SEC63: variants seen among roughly 807,000 people sequenced by gnomAD.
The protein encoded by SEC63 is translocation protein SEC63 homolog.
Under a neutral mutation model 116.2 loss-of-function variants are expected in SEC63, and 56 were observed. The observed-to-expected ratio is 0.48, with a 90% confidence interval of 0.39 to 0.60. The LOEUF (loss-of-function observed/expected upper bound fraction) is 0.60. SEC63 is among the 20% of genes least tolerant of loss of function. SEC63 has a pLI of 0.00. For missense variants in SEC63, 668 were observed against 900.0 expected, an observed-to-expected ratio of 0.74 and a Z score of 3.30; for synonymous variants, 273 against 294.6, an observed-to-expected ratio of 0.93 and a Z score of 0.75.
intron 4 of SEC63, among the ~76,000 whole-genome samples, chr6:107,915,982 C>G (rs951189125): frequency 1.3e-5 from 2 of 152,112 alleles, no homozygotes; most frequent in Non-Finnish European, 2.9e-5. Flanking sequence ...AACCACATAA[C>G]TGAGTTAAAA....
At chr6:107,938,247 ATTT>A (rs4028676) in intron 1 of SEC63, among the ~76,000 whole-genome samples, 1 of 133,976 alleles carries the variant, frequency 7.5e-6, no homozygotes, top group Admixed American at 8.0e-5. Context: ...TGGTGAGTTA[ATTT>A]TTTTTTTTTT....
At chr6:107,888,136 A>C (rs1290938430) in intron 16 of SEC63, among the ~76,000 whole-genome samples, 5 of 152,218 alleles carry the variant, frequency 3.3e-5, no homozygotes, top group African/African-American at 4.8e-5. Context: ...GAAGAAAGTC[A>C]ATGGTAGCTT....
rs1770749250 is a variant in SEC63 at position 107,958,034 on chromosome 6, T to G, written c.-25A>C. The G allele has an allele frequency of 6.2e-7, 1 of 1,612,212 alleles. No individual in the cohort carries two copies. The highest frequency in any genetic ancestry group is 8.5e-7 in the Non-Finnish European group (1 of 1,179,048). ...TGGCACCCCCTCCTCCGCCTCGCTC[T>G]TCTCACCGCCGCCGCCACGACCACG... On this transcript the variant is annotated 5_prime_UTR_variant, in exon 1 of 21. Coordinates refer to ENST00000369002, the MANE Select transcript of SEC63 (RefSeq NM_007214.5).
chr6:107,891,642 TG>T (rs772068378), intron 16 of SEC63, among the ~76,000 whole-genome samples: 2 of 152,278 alleles, frequency 1.3e-5, no homozygotes, highest in South Asian at 4.1e-4. Context: ...AGAGGCATTC[TG>T]GTTTTTGGAA....
chr6:107,912,639 T>C (rs964683093), intron 6 of SEC63, 77 bp downstream of exon 6: 3 of 823,934 alleles, frequency 3.6e-6, no homozygotes, highest in African/African-American at 3.4e-5. Context: ...TAGTTCTTCT[T>C]GTATTACCAA....
chr6:107,958,174 G>A lies in SEC63; in HGVS notation c.-165C>T, dbSNP rs1392594621. The A allele has an allele frequency of 1.9e-6, 2 of 1,029,736 alleles. No homozygotes were observed. The highest frequency in any genetic ancestry group is 1.6e-5 in the African/African-American group (1 of 62,894). The allele number at this position is 1,029,736 out of a possible 1,614,324, so 63.8% of individuals were successfully genotyped here. ...TCACGGACACGCCGCCGCCACCTCT[G>A]CCGCTGCCGCCGCCGTCGCCAGCTC... On this transcript the variant is annotated 5_prime_UTR_variant, in exon 1 of 21. Transcript: ENST00000369002.
intron 16 of SEC63, among the ~76,000 whole-genome samples, chr6:107,886,708 G>A (rs138926994): frequency 9.0e-6 from 1 of 111,446 alleles, no homozygotes; most frequent in East Asian, 2.4e-4. Flanking sequence ...GGAATTGTTT[G>A]TTTTTTTCCT....
In SEC63 at chr6:107,902,891, G is replaced by A. The variant is rs1397096640; in HGVS notation, c.1162C>T (p.Pro388Ser). 6.2e-7 allele frequency: 1 copy of A among 1,613,776 alleles called. No individual in the cohort carries two copies. The highest frequency in any genetic ancestry group is 1.3e-5 in the African/African-American group (1 of 74,890). Reference protein sequence around the residue: ...QQFKSPLLQLPHIEEDNLRRV... With the variant: ...QQFKSPLLQLSHIEEDNLRRV... ...CTAAGATTGTCCTCTTCAATATGAG[G>A]GAGCTGCAGAAGGGGAGACTTAAAT... Residue 388 changes from proline (P) to serine (S), a missense_variant, in exon 12 of 21, where the codon CCT (proline) becomes TCT (serine). Pro to Ser is a moderately conservative substitution (Grantham distance 74). This residue lies in a region of SEC63 where 430 missense variants were observed against 557.5 expected (regional missense o/e 0.77). Transcript: ENST00000369002.
chr6:107,921,521 G>A (rs535377600), intron 4 of SEC63, among the ~76,000 whole-genome samples: 16 of 151,342 alleles, frequency 1.1e-4, no homozygotes, highest in African/African-American at 2.2e-4. Context: ...GCATGGTCAC[G>A]GCTCACTGCA....
At chr6:107,903,536 C>T (rs1415162899) in intron 11 of SEC63, among the ~76,000 whole-genome samples, 2 of 152,000 alleles carry the variant, frequency 1.3e-5, no homozygotes, top group African/African-American at 4.8e-5. Flanking sequence ...TGAGATCCCA[C>T]CTCTACACAA....
intron 16 of SEC63, 158 bp from the exon 17 acceptor site, chr6:107,883,304 A>G: frequency 1.2e-6 from 1 of 802,294 alleles, no homozygotes; most frequent in Non-Finnish European, 1.9e-6. Context: ...ATTCCTACTT[A>G]TAAAGATGTG....
rs1297648190 is a variant in SEC63 at position 107,871,126 on chromosome 6, C to T, written c.*578G>A. 1.9e-5 allele frequency: 3 copies of T among 154,516 alleles called. No homozygotes were observed. Among genetic ancestry groups the T allele is most frequent in the Non-Finnish European group, 4.3e-5 (3 of 69,326 alleles). The allele number at this position is 154,516 out of a possible 1,614,324, so 9.6% of individuals were successfully genotyped here. On this transcript the variant is annotated 3_prime_UTR_variant, in exon 21 of 21. Coordinates refer to ENST00000369002, the MANE Select transcript of SEC63 (RefSeq NM_007214.5). ...AATTAAGAAAAGGAAAATTCCAAAACGTAGCCCTCTATATCATGTGGAATG... is the reference window on the plus strand; with the variant it reads ...AATTAAGAAAAGGAAAATTCCAAAATGTAGCCCTCTATATCATGTGGAATG...
chr6:107,907,972 G>A (rs553958791), intron 8 of SEC63, among the ~76,000 whole-genome samples: 2 of 152,262 alleles, frequency 1.3e-5, no homozygotes, highest in East Asian at 3.9e-4. Flanking sequence ...TTTTCATAAG[G>A]GAGTAAGTTT....
At chr6:107,911,079 C>T (rs1787273278) in intron 7 of SEC63, 1 of 438,634 alleles carries the variant, frequency 2.3e-6, no homozygotes, top group African/African-American at 2.0e-5. Context: ...TTTAGAAGAC[C>T]ATTAAAAGTA....
intron 2 of SEC63, among the ~76,000 whole-genome samples, chr6:107,925,546 A>G (rs2744217): frequency 0.036 from 5,416 of 152,320 alleles, 314 homozygotes; most frequent in African/African-American, 0.12. Flanking sequence ...ATAAAAGAAC[A>G]TATCATTTGA....
intron 11 of SEC63, among the ~76,000 whole-genome samples, chr6:107,903,431 T>C (rs903015400): frequency 2.7e-5 from 4 of 150,080 alleles, no homozygotes; most frequent in African/African-American, 9.8e-5. Flanking sequence ...TGTAGGCATG[T>C]GGCTCATGAC....
chr6:107,917,141 G>A (rs528976603), intron 4 of SEC63, among the ~76,000 whole-genome samples: 3 of 152,292 alleles, frequency 2.0e-5, no homozygotes, highest in African/African-American at 4.8e-5. Context: ...CAGCATGAGC[G>A]ATTTGTACCT....
intron 15 of SEC63, 36 bp from the exon 16 acceptor site, chr6:107,893,691 G>A (rs757573176): frequency 7.4e-6 from 12 of 1,610,944 alleles, no homozygotes; most frequent in South Asian, 2.2e-5. Context: ...TTAAGTTATA[G>A]CAACAGATTC....
At chr6:107,876,695 G>T in intron 18 of SEC63, 33 bp from the exon 19 acceptor site, 1 of 924,002 alleles carries the variant, frequency 1.1e-6, no homozygotes, top group Non-Finnish European at 1.7e-6. Flanking sequence ...AAAAAGAAGA[G>T]GGGTATAAAT....
Sources: gnomAD v4.1 joint callset for allele counts (sites outside exome capture counted in the v4.1 genomes callset) on GRCh38, gnomAD v4.1.1 for gene constraint, gnomAD v4.1.1 regional missense constraint, MANE v1.5 for transcripts, NCBI Gene and HGNC (gene_info 2026-07-23, HGNC 2026-07-21) for gene names.